The following ESRRG variants were observed in gnomAD, a reference collection of about 807,000 sequenced individuals.
ESRRG encodes the protein estrogen related receptor gamma.
ESRRG carries 13 observed loss-of-function variants against 44.0 expected under a neutral mutation model. That is an observed-to-expected ratio of 0.30 (90% confidence interval 0.19 to 0.47). ESRRG has a LOEUF of 0.47. Ranked by LOEUF, ESRRG falls within the 20% of genes least tolerant of loss-of-function variation. The pLI, the probability that ESRRG is intolerant of heterozygous loss-of-function variation, is 1.00. For missense variants in ESRRG, 395 were observed against 580.6 expected, an observed-to-expected ratio of 0.68 and a Z score of 3.29; for synonymous variants, 215 against 214.6, an observed-to-expected ratio of 1.00 and a Z score of -0.02.
intron 3 of ESRRG, among the ~76,000 whole-genome samples, chr1:216,629,159 C>T (rs574241069): frequency 3.9e-5 from 6 of 152,174 alleles, no homozygotes; most frequent in Non-Finnish European, 7.3e-5. Flanking sequence ...ACCTAGAACT[C>T]TCCATCACCT....
chr1:216,811,448 A>G lies in ESRRG; in HGVS notation c.-14+128134T>C, dbSNP rs11572593. 3.5e-4 allele frequency among the ~76,000 whole-genome samples: 53 copies of G among 152,326 alleles called. 2 individuals carry two copies. In the South Asian group the frequency reaches 0.011, roughly 31 times the overall value. Reference sequence around the variant, plus strand: ...CAATGCTCAAAAAAAATCACTCATTAACTCTAACCTCTCCTATTGGTCATT... The same window carrying G: ...CAATGCTCAAAAAAAATCACTCATTGACTCTAACCTCTCCTATTGGTCATT... On this transcript the variant is annotated intron_variant, in intron 2 of 7. Transcript: ENST00000359162.
At chr1:216,965,466 G>A (rs867490585) in intron 1 of ESRRG, among the ~76,000 whole-genome samples, 2 of 152,124 alleles carry the variant, frequency 1.3e-5, no homozygotes, top group South Asian at 2.1e-4. Flanking sequence ...CATTTATCCA[G>A]TACTACAAAC....
intron 2 of ESRRG, among the ~76,000 whole-genome samples, chr1:216,825,464 C>A (rs936657241): frequency 6.6e-6 from 1 of 151,994 alleles, no homozygotes; most frequent in Admixed American, 6.6e-5. Context: ...AATATATCAT[C>A]GTAAAAGAAA....
chr1:216,567,978 C>T lies in ESRRG; in HGVS notation c.700+10G>A, dbSNP rs1385813301. 1.3e-6 allele frequency: 2 copies of T among 1,579,168 alleles called. No homozygotes were observed. The highest frequency in any genetic ancestry group is 3.3e-5 in the Admixed American group (2 of 59,962). ...TGTTCTGGGAAGCCAGACACATCTGCTGTACTTACATGGCTTTTTGGCTGG... is the reference window on the plus strand; with the variant it reads ...TGTTCTGGGAAGCCAGACACATCTGTTGTACTTACATGGCTTTTTGGCTGG... On this transcript the variant is annotated intron_variant, in intron 4 of 6. Coordinates refer to ENST00000408911, the MANE Select transcript of ESRRG (RefSeq NM_001438.4).
intron 1 of ESRRG, among the ~76,000 whole-genome samples, chr1:216,703,024 A>G (rs898025636): frequency 2.0e-5 from 3 of 152,192 alleles, no homozygotes; most frequent in Non-Finnish European, 2.9e-5. Context: ...ATACAAACCA[A>G]TCAAGGCAAT....
intron 2 of ESRRG, among the ~76,000 whole-genome samples, chr1:216,874,730 T>C (rs191833615): frequency 6.6e-6 from 1 of 152,312 alleles, no homozygotes; most frequent in East Asian, 1.9e-4. Flanking sequence ...AGATTAACAT[T>C]TGAGTCAGTG....
chr1:216,809,970 A>G (rs1339338), intron 2 of ESRRG, among the ~76,000 whole-genome samples: 36,234 of 152,106 alleles, frequency 0.24, 4,726 homozygotes, highest in East Asian at 0.37. Flanking sequence ...CAATGAGATG[A>G]GTGCATAAGC....
chr1:216,553,171 G>T (rs1400170671), intron 5 of ESRRG, among the ~76,000 whole-genome samples: 1 of 151,954 alleles, frequency 6.6e-6, no homozygotes, highest in African/African-American at 2.4e-5. Flanking sequence ...GGAACTCACA[G>T]CTGCTCCTTC....
intron 6 of ESRRG, among the ~76,000 whole-genome samples, chr1:216,512,233 T>A (rs931665393): frequency 5.9e-5 from 9 of 152,286 alleles, no homozygotes; most frequent in African/African-American, 2.2e-4. Flanking sequence ...ATAGGTGCCA[T>A]AGGGATAGAA....
chr1:216,588,669 A>G (rs537450284), intron 3 of ESRRG, among the ~76,000 whole-genome samples: 2 of 152,312 alleles, frequency 1.3e-5, no homozygotes, highest in South Asian at 4.1e-4. Flanking sequence ...GCAATTCACG[A>G]TTAATACTCT....
At chr1:217,028,481 T>C (rs2150996042) in intron 1 of ESRRG, among the ~76,000 whole-genome samples, 1 of 152,290 alleles carries the variant, frequency 6.6e-6, no homozygotes, top group South Asian at 2.1e-4. Flanking sequence ...GGGCCTGAGC[T>C]TTTCCTGTTA....
At chr1:216,906,134 C>T (rs1017204766) in intron 2 of ESRRG, among the ~76,000 whole-genome samples, 4 of 152,212 alleles carry the variant, frequency 2.6e-5, no homozygotes, top group African/African-American at 9.6e-5. Context: ...ACAAAACATA[C>T]TTTCTTAAAC....
At chr1:216,569,960 A>C (rs1177699628) in intron 3 of ESRRG, among the ~76,000 whole-genome samples, 1 of 152,206 alleles carries the variant, frequency 6.6e-6, no homozygotes, top group Non-Finnish European at 1.5e-5. Flanking sequence ...GTCACGCAGA[A>C]TATGTGAGCT....
intron 2 of ESRRG, among the ~76,000 whole-genome samples, chr1:216,800,435 C>A (rs920121468): frequency 6.6e-6 from 1 of 152,198 alleles, no homozygotes; most frequent in African/African-American, 2.4e-5. Flanking sequence ...AATATTTCAA[C>A]CAACACATAA....
chr1:216,923,020 AG>A (rs1473852379), intron 2 of ESRRG, among the ~76,000 whole-genome samples: 2 of 152,208 alleles, frequency 1.3e-5, no homozygotes, highest in African/African-American at 4.8e-5. Context: ...GTCACCAGAG[AG>A]CAGCTATGCT....
intron 2 of ESRRG, among the ~76,000 whole-genome samples, chr1:216,930,905 C>T (rs1403499573): frequency 2.0e-5 from 3 of 152,124 alleles, no homozygotes; most frequent in South Asian, 2.1e-4. Context: ...ACAATGATTA[C>T]GATTTTTAAA....
intron 1 of ESRRG, among the ~76,000 whole-genome samples, chr1:217,121,484 G>A (rs1412300800): frequency 6.6e-6 from 1 of 152,280 alleles, no homozygotes; most frequent in East Asian, 1.9e-4. Context: ...GACCAGTTAG[G>A]TGGCCATCCT....
At chr1:216,819,102 G>T (rs2095230397) in intron 2 of ESRRG, among the ~76,000 whole-genome samples, 1 of 152,098 alleles carries the variant, frequency 6.6e-6, no homozygotes, top group Non-Finnish European at 1.5e-5. Context: ...ATAATAAAAT[G>T]ATTCATATTC....
intron 3 of ESRRG, among the ~76,000 whole-genome samples, chr1:216,619,836 A>G (rs1246187086): frequency 6.6e-6 from 1 of 152,226 alleles, no homozygotes. Flanking sequence ...CAGGAGAGTC[A>G]AGCTGAACTA....
Sources: allele counts gnomAD v4.1 joint callset (sites outside exome capture counted in the v4.1 genomes callset), GRCh38; gene constraint gnomAD v4.1.1; transcripts MANE v1.5; gene names NCBI Gene and HGNC (gene_info 2026-07-23, HGNC 2026-07-21).